The following NRG1 variants were observed in gnomAD, a reference collection of about 807,000 sequenced individuals.
NRG1 encodes neuregulin 1, also known as pro-neuregulin-1, membrane-bound isoform.
Under a neutral mutation model 63.8 loss-of-function variants are expected in NRG1, and 18 were observed. The ratio of observed to expected loss-of-function variants is 0.28; its 90% CI spans 0.19 to 0.42. The LOEUF is 0.42. Among genes scored for constraint, NRG1 ranks in the 10% least tolerant of loss-of-function variants. The pLI, the probability that NRG1 is intolerant of heterozygous loss-of-function variation, is 1.00. For synonymous variants in NRG1, 302 were observed against 301.3 expected (o/e 1.00, Z -0.02); for missense variants, 762 against 814.7 (o/e 0.94, Z 0.79).
At chr8:32,416,643 T>TTTTG (rs1056546195) in intron 1 of NRG1, among the ~76,000 whole-genome samples, 5 of 152,048 alleles carry the variant, frequency 3.3e-5, no homozygotes, top group African/African-American at 7.2e-5. Flanking sequence ...TTTTCCTTGT[T>TTTTG]TTTGTTTGTT....
At chr8:32,446,999 T>TTTATTTATTTA (rs1820331312) in intron 1 of NRG1, among the ~76,000 whole-genome samples, 2 of 146,344 alleles carry the variant, frequency 1.4e-5, no homozygotes, top group African/African-American at 2.5e-5. Flanking sequence ...CTAAAATACT[T>TTTATTTATTTA]TTTATTTATT....
chr8:32,531,719 CTATTCTCAACTTCAG>C (rs1174725096), intron 1 of NRG1, among the ~76,000 whole-genome samples: 1 of 152,076 alleles, frequency 6.6e-6, no homozygotes, highest in African/African-American at 2.4e-5. Flanking sequence ...AAGAATTTTG[CTATTCTCAACTTCAG>C]TTTATGCATC....
At chr8:31,952,000 A>G (rs1432441474) in intron 1 of NRG1, among the ~76,000 whole-genome samples, 2 of 152,212 alleles carry the variant, frequency 1.3e-5, no homozygotes, top group Non-Finnish European at 2.9e-5. Flanking sequence ...GGAACTCAGC[A>G]AGAAACCGAC....
At chr8:32,136,063 C>T (rs1343833112) in intron 1 of NRG1, among the ~76,000 whole-genome samples, 1 of 151,828 alleles carries the variant, frequency 6.6e-6, no homozygotes, top group Non-Finnish European at 1.5e-5. Context: ...TCTAGGTGCC[C>T]TTTGCATTTT....
chr8:32,254,732 A>C (rs564177203), intron 1 of NRG1, among the ~76,000 whole-genome samples: 2 of 152,046 alleles, frequency 1.3e-5, no homozygotes, highest in East Asian at 3.9e-4. Context: ...ATCCTTGTTA[A>C]TTTTCTGTCT....
At chr8:31,821,892 G>A (rs1020970275) in intron 1 of NRG1, among the ~76,000 whole-genome samples, 6 of 152,128 alleles carry the variant, frequency 3.9e-5, no homozygotes, top group Non-Finnish European at 7.4e-5. Flanking sequence ...TTAGAAGCCT[G>A]GTTTATGTGT....
chr8:32,595,682 C>A, intron 1 of NRG1, 146 bp from the exon 2 acceptor site: 2 of 576,972 alleles, frequency 3.5e-6, no homozygotes, highest in Non-Finnish European at 5.6e-6. Flanking sequence ...GATCCATTTT[C>A]GCTCATCCAT....
At chr8:32,334,034 C>A (rs952125872) in intron 1 of NRG1, among the ~76,000 whole-genome samples, 1 of 152,182 alleles carries the variant, frequency 6.6e-6, no homozygotes, top group Non-Finnish European at 1.5e-5. Context: ...TGTTACCCTC[C>A]TGCACAATTA....
intron 1 of NRG1, among the ~76,000 whole-genome samples, chr8:31,838,070 T>A (rs917624833): frequency 6.6e-6 from 1 of 152,148 alleles, no homozygotes; most frequent in Non-Finnish European, 1.5e-5. Context: ...ATGGTAGTAC[T>A]GATTTACATT....
At chr8:32,106,062 A>G (rs1265357489) in intron 1 of NRG1, among the ~76,000 whole-genome samples, 1 of 152,168 alleles carries the variant, frequency 6.6e-6, no homozygotes, top group Non-Finnish European at 1.5e-5. Context: ...ATGAAGAAAA[A>G]TAGAGTTGAG....
rs545613157 is a variant in NRG1 at position 32,626,047 on chromosome 8, G to A, written c.502+9162G>A. ...GACCTCAAGTGATCTGCCCACCTTGGCCTCCCAAAGTGCTGGGATTACAGG... is the reference window on the plus strand; with the variant it reads ...GACCTCAAGTGATCTGCCCACCTTGACCTCCCAAAGTGCTGGGATTACAGG... On this transcript the variant is annotated intron_variant, in intron 5 of 11. Transcript: ENST00000356819. 1.3e-4 allele frequency among the ~76,000 whole-genome samples: 19 copies of A among 151,908 alleles called. No homozygotes were observed. In the South Asian group the frequency reaches 3.7e-3, roughly 30 times the overall value.
intron 1 of NRG1, among the ~76,000 whole-genome samples, chr8:32,229,094 G>A (rs983311031): frequency 1.3e-5 from 2 of 152,128 alleles, no homozygotes; most frequent in Non-Finnish European, 2.9e-5. Context: ...GGGAAACGTC[G>A]CAGTACACCT....
intron 5 of NRG1, among the ~76,000 whole-genome samples, chr8:32,651,204 T>A (rs1027398215): frequency 6.6e-6 from 1 of 152,196 alleles, no homozygotes; most frequent in Admixed American, 6.5e-5. Context: ...GGTATTTCTT[T>A]CATAAAGTAA....
chr8:32,553,946 G>A (rs1448785437), intron 1 of NRG1, among the ~76,000 whole-genome samples: 4 of 152,128 alleles, frequency 2.6e-5, no homozygotes, highest in African/African-American at 7.2e-5. Context: ...CCAAATCAAT[G>A]TTCTGTTAGC....
chr8:32,247,650 A>G (rs1848712339), intron 1 of NRG1, among the ~76,000 whole-genome samples: 1 of 152,108 alleles, frequency 6.6e-6, no homozygotes. Context: ...CTGATAAACA[A>G]TACTTTGCTA....
intron 1 of NRG1, among the ~76,000 whole-genome samples, chr8:32,481,721 T>C (rs1349967195): frequency 3.9e-5 from 6 of 152,238 alleles, no homozygotes; most frequent in Admixed American, 2.6e-4. Flanking sequence ...AAGGACTAAA[T>C]ACATTAATAT....
intron 5 of NRG1, among the ~76,000 whole-genome samples, chr8:32,672,955 G>A (rs530021623): frequency 7.2e-5 from 11 of 152,282 alleles, no homozygotes; most frequent in Admixed American, 5.2e-4. Flanking sequence ...AAACAATGAA[G>A]TAATCATTTC....
At chr8:32,020,028 C>T (rs537646631) in intron 1 of NRG1, among the ~76,000 whole-genome samples, 11 of 152,180 alleles carry the variant, frequency 7.2e-5, no homozygotes, top group African/African-American at 2.4e-4. Context: ...CCCATGCCTA[C>T]CCCCCAAAAT....
chr8:32,434,150 C>T (rs1315552494), intron 1 of NRG1, among the ~76,000 whole-genome samples: 4 of 151,802 alleles, frequency 2.6e-5, no homozygotes, highest in Non-Finnish European at 5.9e-5. Flanking sequence ...CACACCACTG[C>T]ACCCCAGCCT....
Sources: gnomAD v4.1 joint callset for allele counts (sites outside exome capture counted in the v4.1 genomes callset) on GRCh38, gnomAD v4.1.1 for gene constraint, MANE v1.5 for transcripts, NCBI Gene and HGNC (gene_info 2026-07-23, HGNC 2026-07-21) for gene names.